The following PRDM10 variants were observed in gnomAD, a reference collection of about 807,000 sequenced individuals.
PRDM10 encodes the protein PR/SET domain 10.
PRDM10 carries 65 observed loss-of-function variants against 133.1 expected under a neutral mutation model. That is an observed-to-expected ratio of 0.49 (90% CI 0.40 to 0.60). The LOEUF is 0.60. Among genes scored for constraint, PRDM10 ranks in the 20% least tolerant of loss-of-function variants. PRDM10 has a pLI of 0.00. For synonymous variants in PRDM10, 582 were observed against 580.4 expected (o/e 1.00, Z -0.04); for missense variants, 1,137 against 1,507.1 (o/e 0.75, Z 4.07).
intron 11 of PRDM10, among the ~76,000 whole-genome samples, chr11:129,929,078 C>T (rs1413250141): frequency 2.0e-5 from 3 of 152,172 alleles, no homozygotes; most frequent in Non-Finnish European, 4.4e-5. Context: ...AGACTGCAAG[C>T]TCAAGTGAAA....
chr11:129,979,375 TC>T (rs59964551), intron 1 of PRDM10, among the ~76,000 whole-genome samples: 4,084 of 152,072 alleles, frequency 0.027, 132 homozygotes, highest in East Asian at 0.1. Flanking sequence ...CCCACCATCC[TC>T]CCCAGGATCC....
intron 1 of PRDM10, among the ~76,000 whole-genome samples, chr11:129,977,277 C>CACAG (rs1555113149): frequency 1.3e-5 from 2 of 151,182 alleles, no homozygotes; most frequent in East Asian, 2.0e-4. Context: ...CACACACACA[C>CACAG]ACACACACAC....
chr11:129,925,440 A>AT (rs35889109), intron 11 of PRDM10, among the ~76,000 whole-genome samples: 8,546 of 152,244 alleles, frequency 0.056, 334 homozygotes, highest in Non-Finnish European at 0.088. Flanking sequence ...AAGAGATGAA[A>AT]TTTTTTTGTG....
rs1465552105 is a variant in PRDM10, at chr11:129,942,419, A to G, written c.966+7T>C. Reference sequence around the variant, plus strand: ...CAAATAGCAGCACGGGTCAGGCAGCACTGTACCTTCAGTTCCTGCTTGGGC... The same window carrying G: ...CAAATAGCAGCACGGGTCAGGCAGCGCTGTACCTTCAGTTCCTGCTTGGGC... On this transcript the variant is annotated splice_region_variant and intron_variant, in intron 7 of 20. Transcript: ENST00000360871. The G allele has an allele frequency of 1.9e-6, 3 of 1,613,374 alleles. No homozygotes were observed. Among genetic ancestry groups the G allele is most frequent in the Non-Finnish European group, 2.5e-6 (3 of 1,179,502 alleles).
chr11:129,947,027 C>A lies in PRDM10; in HGVS notation c.520+118G>T. The A allele has an allele frequency of 7.3e-7, 1 of 1,368,564 alleles. No individual in the cohort carries two copies. The highest frequency in any genetic ancestry group is 1.3e-5 in the South Asian group (1 of 75,604). 84.8% of individuals were successfully genotyped at this position (1,368,564 alleles called of 1,614,324 possible). A position where few individuals can be genotyped will look rare whatever the true frequency, so the allele number is the denominator to read the frequency against. On this transcript the variant is annotated intron_variant, in intron 5 of 20. Coordinates refer to ENST00000360871, the MANE Select transcript of PRDM10 (RefSeq NM_199437.2). This position sits in a 1 kb window ranked among gnomAD's most constrained non-coding sequence, Gnocchi z 4.6. ...GATGAAGCAAGCAGAGAATGTAGCA[C>A]AGTTGGCTGCACACGGAAGGACCTG... is the stretch of plus-strand genomic sequence containing the variant.
intron 1 of PRDM10, among the ~76,000 whole-genome samples, chr11:129,964,326 A>G (rs1445961246): frequency 6.6e-6 from 1 of 152,054 alleles, no homozygotes; most frequent in East Asian, 1.9e-4. Flanking sequence ...TTTTATTTGT[A>G]TCTCTTTTAA....
intron 9 of PRDM10, among the ~76,000 whole-genome samples, chr11:129,932,680 G>A (rs1950908367): frequency 6.6e-6 from 1 of 152,166 alleles, no homozygotes; most frequent in Non-Finnish European, 1.5e-5. Context: ...ACAAGCTTCT[G>A]GAAGGTCAGA....
intron 6 of PRDM10, 55 bp from the exon 7 acceptor site, chr11:129,942,684 C>T (rs1213904020): frequency 7.6e-6 from 11 of 1,452,014 alleles, no homozygotes; most frequent in Non-Finnish European, 9.5e-6. Flanking sequence ...ATATGAGACA[C>T]ATTTTATAAT....
intron 11 of PRDM10, 148 bp from the exon 12 acceptor site, chr11:129,925,377 T>A: frequency 2.7e-6 from 2 of 751,534 alleles, no homozygotes; most frequent in South Asian, 4.2e-5. Context: ...TGAAAGGAGA[T>A]TTTTCTGGTG....
intron 19 of PRDM10, 80 bp downstream of exon 19, chr11:129,910,396 A>G (rs1950149174): frequency 1.3e-6 from 2 of 1,577,188 alleles, no homozygotes; most frequent in African/African-American, 1.3e-5. Flanking sequence ...TTAAAAATCT[A>G]TCACAAGCTG....
At chr11:129,997,304 ACT>A (rs1340909335) in intron 1 of PRDM10, among the ~76,000 whole-genome samples, 1 of 152,092 alleles carries the variant, frequency 6.6e-6, no homozygotes, top group Non-Finnish European at 1.5e-5. Flanking sequence ...ACGTGGCAAG[ACT>A]CTGTCTCTAC....
At chr11:129,983,698 A>C (rs1057080992) in intron 1 of PRDM10, among the ~76,000 whole-genome samples, 1 of 152,220 alleles carries the variant, frequency 6.6e-6, no homozygotes, top group African/African-American at 2.4e-5. Context: ...GGAGAGGAGA[A>C]GGCTTAGGAT....
intron 1 of PRDM10, among the ~76,000 whole-genome samples, chr11:129,999,322 TC>T (rs1939221643): frequency 6.6e-6 from 1 of 152,214 alleles, no homozygotes; most frequent in Admixed American, 6.5e-5. Flanking sequence ...GGGATCATTC[TC>T]CAAAGATTTG....
chr11:129,910,695 C>G (rs1372186582), intron 18 of PRDM10, 39 bp from the exon 19 acceptor site: 2 of 1,448,508 alleles, frequency 1.4e-6, no homozygotes, highest in Admixed American at 2.5e-5. Context: ...GAATTACGAG[C>G]TTCTAATATA....
intron 1 of PRDM10, among the ~76,000 whole-genome samples, chr11:129,991,211 A>G (rs2135993645): frequency 6.6e-6 from 1 of 152,342 alleles, no homozygotes; most frequent in Non-Finnish European, 1.5e-5. Flanking sequence ...TAGATCATGA[A>G]GGTGTCTCAT....
intron 1 of PRDM10, among the ~76,000 whole-genome samples, chr11:129,982,851 C>T (rs1286641060): frequency 1.3e-5 from 2 of 151,968 alleles, no homozygotes; most frequent in Non-Finnish European, 1.5e-5. Flanking sequence ...GTCCAAGCTA[C>T]TCAGGAGGCT....
At position 129,970,390 on chromosome 11, in the gene PRDM10, G is replaced by A. The variant is rs376024699; in HGVS notation, c.-118-9308C>T. On this transcript the variant is annotated intron_variant, in intron 1 of 20. Transcript: ENST00000360871. Reference sequence around the variant, plus strand: ...GGTAACAGAGCTAGGAAGCAGAGGAGCTACAATGTAACCTGGGCACGAGGC... The same window carrying A: ...GGTAACAGAGCTAGGAAGCAGAGGAACTACAATGTAACCTGGGCACGAGGC... 2.0e-5 allele frequency among the ~76,000 whole-genome samples: 3 copies of A among 152,300 alleles called. No individual in the cohort carries two copies. The East Asian group carries it at 5.8e-4, about 29-fold the overall frequency.
At chr11:129,932,587 T>TA (rs1950905220) in intron 9 of PRDM10, among the ~76,000 whole-genome samples, 2 of 152,156 alleles carry the variant, frequency 1.3e-5, no homozygotes, top group African/African-American at 4.8e-5. Flanking sequence ...AAGATTCCCA[T>TA]TATTTCTCTC....
chr11:129,918,599 G>A lies in PRDM10; in HGVS notation c.2154C>T (p.Tyr718=), dbSNP rs377497083. ...TFKPRITSTD[Y]DSFTFKCRLC... is the part of the protein sequence containing the mutation. ...GGCGGCACTTGAACGTGAAGCTGTC[G>A]TAGTCTGTGGACGTGATGCGGGGCT... is the stretch of plus-strand genomic sequence containing the variant. The change falls in exon 14 of 21, where the codon TAC becomes TAT. Residue 718 remains tyrosine, a synonymous_variant. Transcript: ENST00000360871. This position sits in a 1 kb window ranked among gnomAD's most constrained non-coding sequence, Gnocchi z 5.3. 2.2e-5 allele frequency: 35 copies of A among 1,614,196 alleles called. No individual in the cohort carries two copies. The highest frequency in any genetic ancestry group is 6.7e-5 in the Admixed American group (4 of 60,024).
Sources: gnomAD v4.1 joint callset for allele counts (sites outside exome capture counted in the v4.1 genomes callset) on GRCh38, gnomAD v4.1.1 for gene constraint, Gnocchi (gnomAD v3.1) non-coding constraint, MANE v1.5 for transcripts, NCBI Gene and HGNC (gene_info 2026-07-23, HGNC 2026-07-21) for gene names.